Variants in CTTNBP2 observed in about 807,000 individuals in gnomAD.
CTTNBP2 encodes the protein cortactin-binding protein 2.
In CTTNBP2, 108 loss-of-function variants were observed where a neutral mutation model predicts 156.9. The ratio of observed to expected loss-of-function variants is 0.69; its 90% CI spans 0.59 to 0.81. The LOEUF is 0.81. Ranked by LOEUF, CTTNBP2 falls within the 30% of genes least tolerant of loss-of-function variation. CTTNBP2 has a pLI of 0.00. For synonymous variants in CTTNBP2, 767 were observed against 751.8 expected, an observed-to-expected ratio of 1.02 and a Z score of -0.33; for missense variants, 1,924 against 2,035.4, an observed-to-expected ratio of 0.95 and a Z score of 1.05.
chr7:117,838,821 G>A (rs1237545119), intron 2 of CTTNBP2, among the ~76,000 whole-genome samples: 1 of 151,956 alleles, frequency 6.6e-6, no homozygotes, highest in African/African-American at 2.4e-5. Flanking sequence ...AGTTTCCTGG[G>A]CTTGTTCTTA....
chr7:117,791,076 G>T, intron 4 of CTTNBP2, 52 bp downstream of exon 4: 1 of 1,446,178 alleles, frequency 6.9e-7, no homozygotes, highest in South Asian at 1.3e-5. Context: ...CAAGGCAAGT[G>T]AGAAGAGAGG....
chr7:117,728,414 T>C, intron 16 of CTTNBP2, 147 bp from the exon 17 acceptor site: 1 of 601,642 alleles, frequency 1.7e-6, no homozygotes, highest in East Asian at 2.9e-5. Flanking sequence ...GAAGGAGGGA[T>C]AATAACACAT....
chr7:117,806,758 T>G (rs4374926), intron 3 of CTTNBP2, among the ~76,000 whole-genome samples: 75,195 of 126,424 alleles, frequency 0.59, 18,386 homozygotes, highest in East Asian at 0.78. Flanking sequence ...TTTTTTTTTT[T>G]TTTTTTTTTT....
chr7:117,723,735 C>T (rs556641839), intron 19 of CTTNBP2, among the ~76,000 whole-genome samples: 2 of 150,496 alleles, frequency 1.3e-5, no homozygotes, highest in Admixed American at 1.3e-4. Context: ...AGAATATAAA[C>T]TCGATGACGG....
At chr7:117,721,857 ATG>A (rs1237912336) in intron 19 of CTTNBP2, among the ~76,000 whole-genome samples, 1 of 152,190 alleles carries the variant, frequency 6.6e-6, no homozygotes, top group African/African-American at 2.4e-5. Flanking sequence ...ACAATGGGTT[ATG>A]GTTGAAGTTT....
intron 8 of CTTNBP2, among the ~76,000 whole-genome samples, chr7:117,777,077 G>A (rs1035989241): frequency 6.6e-6 from 1 of 152,144 alleles, no homozygotes; most frequent in African/African-American, 2.4e-5. Flanking sequence ...TTAGATATCG[G>A]TAAGAAAGCA....
chr7:117,731,417 G>A (rs1394970867), intron 16 of CTTNBP2, among the ~76,000 whole-genome samples: 3 of 152,134 alleles, frequency 2.0e-5, no homozygotes, highest in Non-Finnish European at 4.4e-5. Flanking sequence ...GTCCTCCAAG[G>A]TCCCAAATCC....
chr7:117,780,477 C>T lies in CTTNBP2; in HGVS notation c.2487G>A (p.Leu829=). 6.3e-7 allele frequency: 1 copy of T among 1,591,806 alleles called. No homozygotes were observed. The highest frequency in any genetic ancestry group is 8.5e-7 in the Non-Finnish European group (1 of 1,171,398). ...CACTTCGATTGGTTCCAGCTTCCAACAAGAGTTTAATACATTCTTTATTTC... is the reference window on the plus strand; with the variant it reads ...CACTTCGATTGGTTCCAGCTTCCAATAAGAGTTTAATACATTCTTTATTTC... The part of the protein sequence containing the change: ...KNGNKECIKL[L]LEAGTNRSVK... Residue 829 remains leucine, a synonymous_variant, in exon 7 of 23, where the codon TTG becomes TTA. Transcript: ENST00000160373.
chr7:117,783,198 C>A (rs957297549), intron 5 of CTTNBP2, among the ~76,000 whole-genome samples: 1 of 151,718 alleles, frequency 6.6e-6, no homozygotes, highest in Admixed American at 6.6e-5. Context: ...TGTGTGCATG[C>A]GCATGTGCCC....
intron 2 of CTTNBP2, among the ~76,000 whole-genome samples, chr7:117,854,207 T>C (rs1803109891): frequency 6.6e-6 from 1 of 152,238 alleles, no homozygotes; most frequent in Admixed American, 6.5e-5. Context: ...ATTTTTGTTT[T>C]CATAAATTCA....
chr7:117,870,883 T>G (rs2117304019), intron 1 of CTTNBP2, among the ~76,000 whole-genome samples: 1 of 152,308 alleles, frequency 6.6e-6, no homozygotes, highest in Non-Finnish European at 1.5e-5. Context: ...TTTAAACAGC[T>G]AAGAATGAGG....
intron 2 of CTTNBP2, among the ~76,000 whole-genome samples, chr7:117,820,109 T>C (rs1319072509): frequency 6.6e-6 from 1 of 152,250 alleles, no homozygotes; most frequent in Non-Finnish European, 1.5e-5. Flanking sequence ...TGGGAGCCCA[T>C]GCTCATTTGT....
chr7:117,790,768 T>C (rs967238582), intron 4 of CTTNBP2, among the ~76,000 whole-genome samples: 1 of 152,252 alleles, frequency 6.6e-6, no homozygotes, highest in Non-Finnish European at 1.5e-5. Flanking sequence ...TGTCTGATCA[T>C]GACCCACTGA....
chr7:117,840,970 A>G (rs1442808880), intron 2 of CTTNBP2, among the ~76,000 whole-genome samples: 1 of 152,228 alleles, frequency 6.6e-6, no homozygotes, highest in African/African-American at 2.4e-5. Flanking sequence ...GATTTTGTTT[A>G]TGTGGGTTAT....
At chr7:117,810,742 T>C (rs1446601046) in intron 3 of CTTNBP2, 23 bp downstream of exon 3, 2 of 1,592,914 alleles carry the variant, frequency 1.3e-6, no homozygotes, top group Non-Finnish European at 1.7e-6. Context: ...GTGGGGAAAA[T>C]GACCATTTGA....
intron 2 of CTTNBP2, among the ~76,000 whole-genome samples, chr7:117,827,939 T>C (rs1430020580): frequency 3.9e-5 from 6 of 152,280 alleles, no homozygotes; most frequent in East Asian, 3.9e-4. Flanking sequence ...TGTTCTCCTG[T>C]ACTCCCACTA....
At chr7:117,819,363 T>TCACACACACA (rs1322130121) in intron 2 of CTTNBP2, among the ~76,000 whole-genome samples, 2 of 135,160 alleles carry the variant, frequency 1.5e-5, no homozygotes, top group African/African-American at 3.0e-5. Flanking sequence ...TCCTTCTCTC[T>TCACACACACA]CTCTCACACA....
chr7:117,731,780 G>A (rs1160320454), intron 16 of CTTNBP2, among the ~76,000 whole-genome samples: 1 of 152,208 alleles, frequency 6.6e-6, no homozygotes, highest in East Asian at 1.9e-4. Context: ...TTTGGGGACA[G>A]GACATGTTGA....
intron 16 of CTTNBP2, among the ~76,000 whole-genome samples, chr7:117,731,440 C>G (rs959473037): frequency 1.6e-4 from 25 of 152,198 alleles, no homozygotes; most frequent in Admixed American, 1.2e-3. Context: ...CACAGATAGA[C>G]AGTTTCTTTT....
Sources: allele counts gnomAD v4.1 joint callset (sites outside exome capture counted in the v4.1 genomes callset), GRCh38; gene constraint gnomAD v4.1.1; transcripts MANE v1.5; gene names NCBI Gene and HGNC (gene_info 2026-07-23, HGNC 2026-07-21).